The following CSMD1 variants were observed in gnomAD, a reference collection of about 807,000 sequenced individuals.
CSMD1 encodes the protein CUB and Sushi multiple domains 1, also known as CUB and sushi domain-containing protein 1.
Under a neutral mutation model 417.5 loss-of-function variants are expected in CSMD1, and 213 were observed. That is an observed-to-expected ratio of 0.51 (90% confidence interval 0.46 to 0.57). The LOEUF (loss-of-function observed/expected upper bound fraction) is 0.57. CSMD1 is among the 20% of genes least tolerant of loss of function. The probability of loss-of-function intolerance (pLI) is 0.00; values close to 1 mark genes in which losing one functional copy is unlikely to be tolerated. For missense variants in CSMD1, 6,923 were observed against 4,529.7 expected (o/e 1.53, Z -15.17); for synonymous variants, 2,862 against 1,736.8 (o/e 1.65, Z -16.11).
In CSMD1 at chr8:4,669,648, T is replaced by C. The variant is rs74788812; in HGVS notation, c.86-32090A>G. ...ACTTTTTTTAACCTTCCAACAAAGT[T>C]CTTAACATTTTATAGTATGAAGCTG... On this transcript the variant is annotated intron_variant, in intron 1 of 69. Transcript: ENST00000635120. Among the ~76,000 whole-genome samples the C allele has an allele frequency of 1.1e-3, 171 of 152,326 alleles. 5 individuals are homozygous for C. In the East Asian group the frequency reaches 0.031, roughly 28 times the overall value.
At chr8:4,202,107 G>C (rs1381070033) in intron 3 of CSMD1, among the ~76,000 whole-genome samples, 2 of 150,982 alleles carry the variant, frequency 1.3e-5, no homozygotes, top group Non-Finnish European at 3.0e-5. Context: ...TTTTTTGTTA[G>C]TTTTTTTTTC....
chr8:4,974,459 G>T (rs572193012), intron 1 of CSMD1, among the ~76,000 whole-genome samples: 8 of 151,932 alleles, frequency 5.3e-5, no homozygotes, highest in African/African-American at 1.9e-4. Flanking sequence ...AGCAGACACA[G>T]GCTATATATA....
At chr8:4,013,614 T>C (rs1367333128) in intron 4 of CSMD1, among the ~76,000 whole-genome samples, 1 of 152,180 alleles carries the variant, frequency 6.6e-6, no homozygotes, top group Non-Finnish European at 1.5e-5. Flanking sequence ...CTGTTGCTTC[T>C]CATTTGCTTA....
intron 1 of CSMD1, among the ~76,000 whole-genome samples, chr8:4,790,995 A>T (rs1299563175): frequency 1.3e-5 from 2 of 152,204 alleles, no homozygotes; most frequent in African/African-American, 4.8e-5. Flanking sequence ...ACCTAATTAG[A>T]CTAAAAAGTT....
intron 40 of CSMD1, among the ~76,000 whole-genome samples, chr8:3,148,763 T>A (rs553700450): frequency 2.6e-5 from 4 of 152,232 alleles, no homozygotes; most frequent in African/African-American, 9.6e-5. Flanking sequence ...TAATTCCAAA[T>A]GTTGACCACG....
intron 1 of CSMD1, among the ~76,000 whole-genome samples, chr8:4,649,066 T>C (rs766796112): frequency 6.6e-6 from 1 of 152,206 alleles, no homozygotes; most frequent in African/African-American, 2.4e-5. Flanking sequence ...AGTTGGTATA[T>C]TTGCCAAGGT....
At chr8:3,339,812 C>A (rs1405619080) in intron 23 of CSMD1, among the ~76,000 whole-genome samples, 10 of 152,108 alleles carry the variant, frequency 6.6e-5, no homozygotes, top group Admixed American at 2.6e-4. Flanking sequence ...CACTCATTGT[C>A]CCCGATTTCA....
rs145020338 is a variant in CSMD1, at chr8:4,788,732, C to T, written c.86-151174G>A. Reference sequence around the variant, plus strand: ...GAATCAATGCTTCTCTAGATCCATACTAATAAACATGAAAACCTAAAAAAA... The same window carrying T: ...GAATCAATGCTTCTCTAGATCCATATTAATAAACATGAAAACCTAAAAAAA... On this transcript the variant is annotated intron_variant, in intron 1 of 69. Transcript: ENST00000635120. 1,100 of 423,864 alleles carry T rather than the reference C, an allele frequency of 2.6e-3. 17 individuals carry two copies. Among genetic ancestry groups the T allele is most frequent in the African/African-American group, 0.02 (981 of 48,922 alleles). 26.3% of individuals were successfully genotyped at this position (423,864 alleles called of 1,614,324 possible).
In CSMD1 at chr8:4,875,407, G is replaced by C. The variant is rs186678037; in HGVS notation, c.85+118925C>G. On this transcript the variant is annotated intron_variant, in intron 1 of 69. Transcript: ENST00000635120. ...AGCCTTTATTTCTCCAGAATAAATT[G>C]TTAAACAGGGGAGGGAGTTCTATCC... is the stretch of plus-strand genomic sequence containing the variant. 9.7e-4 allele frequency among the ~76,000 whole-genome samples: 148 copies of C among 152,146 alleles called. 2 individuals are homozygous for C. The highest frequency in any genetic ancestry group is 5.0e-3 in the South Asian group (24 of 4,828).
At chr8:3,258,297 C>G (rs983472902) in intron 26 of CSMD1, among the ~76,000 whole-genome samples, 1 of 152,116 alleles carries the variant, frequency 6.6e-6, no homozygotes, top group Non-Finnish European at 1.5e-5. Flanking sequence ...CATGAACAGA[C>G]ACTTTTTAAA....
intron 23 of CSMD1, among the ~76,000 whole-genome samples, chr8:3,330,488 G>C (rs142055914): frequency 7.5e-4 from 114 of 152,266 alleles, no homozygotes; most frequent in African/African-American, 2.2e-3. Context: ...AGCAAACTAA[G>C]GCAGAAACAG....
intron 5 of CSMD1, among the ~76,000 whole-genome samples, chr8:3,850,998 A>T (rs1333208155): frequency 6.6e-6 from 1 of 152,242 alleles, no homozygotes; most frequent in Non-Finnish European, 1.5e-5. Flanking sequence ...TTCAGCTTAG[A>T]TAAATATCTA....
chr8:4,384,286 C>T (rs61458102), intron 3 of CSMD1, among the ~76,000 whole-genome samples: 11,371 of 152,082 alleles, frequency 0.075, 1,218 homozygotes, highest in African/African-American at 0.24. Flanking sequence ...AAAGCCTTAG[C>T]CAATTAAGAT....
intron 50 of CSMD1, among the ~76,000 whole-genome samples, chr8:3,035,680 G>A (rs1810629801): frequency 6.6e-6 from 1 of 152,140 alleles, no homozygotes; most frequent in Non-Finnish European, 1.5e-5. Flanking sequence ...AAAAGAAAGT[G>A]TTTTGCTAAT....
intron 3 of CSMD1, among the ~76,000 whole-genome samples, chr8:4,319,740 C>A (rs10102283): frequency 8.6e-5 from 13 of 151,436 alleles, no homozygotes; most frequent in Non-Finnish European, 1.3e-4. Flanking sequence ...TGAGACTTGC[C>A]GGGGGGCCAA....
chr8:4,920,343 T>C (rs915964848), intron 1 of CSMD1, among the ~76,000 whole-genome samples: 2 of 152,192 alleles, frequency 1.3e-5, no homozygotes, highest in African/African-American at 4.8e-5. Context: ...AATTAGAATA[T>C]TAATAACAAA....
intron 6 of CSMD1, among the ~76,000 whole-genome samples, chr8:3,713,087 C>G (rs1801621902): frequency 6.6e-6 from 1 of 152,066 alleles, no homozygotes; most frequent in South Asian, 2.1e-4. Context: ...TGACGAATCT[C>G]TTTTCTGATA....
chr8:3,856,440 G>A (rs191308323), intron 5 of CSMD1, among the ~76,000 whole-genome samples: 2 of 152,180 alleles, frequency 1.3e-5, no homozygotes, highest in Admixed American at 6.6e-5. Flanking sequence ...AAGAACAGAC[G>A]AATACATACT....
chr8:4,113,061 C>T (rs754608129), intron 3 of CSMD1, among the ~76,000 whole-genome samples: 1 of 152,126 alleles, frequency 6.6e-6, no homozygotes, highest in Non-Finnish European at 1.5e-5. Context: ...GGGGATGCCA[C>T]AAACACCCCC....
Sources: allele counts gnomAD v4.1 joint callset (sites outside exome capture counted in the v4.1 genomes callset), GRCh38; gene constraint gnomAD v4.1.1; transcripts MANE v1.5; gene names NCBI Gene and HGNC (gene_info 2026-07-23, HGNC 2026-07-21).